The following DPM1 variants were observed in gnomAD, a reference collection of about 807,000 sequenced individuals.
DPM1 encodes dolichyl-phosphate mannosyltransferase subunit 1, catalytic, also known as dolichol-phosphate mannosyltransferase subunit 1.
In DPM1, 27 loss-of-function variants were observed where a neutral mutation model predicts 39.0. The ratio of observed to expected loss-of-function variants is 0.69; its 90% CI spans 0.51 to 0.95. The LOEUF is 0.95. Among genes scored for constraint, DPM1 ranks in the 40% least tolerant of loss-of-function variants. The probability of loss-of-function intolerance (pLI) is 0.00; values close to 1 mark genes in which losing one functional copy is unlikely to be tolerated. For missense variants in DPM1, 307 were observed against 315.6 expected (o/e 0.97, Z 0.21); for synonymous variants, 124 against 109.0 (o/e 1.14, Z -0.86).
At chr20:50,946,004 C>T in intron 3 of DPM1, 81 bp from the exon 4 acceptor site, 2 of 1,212,088 alleles carry the variant, frequency 1.7e-6, no homozygotes, top group Non-Finnish European at 2.4e-6. Flanking sequence ...AATTGTTTAG[C>T]ACCTGAAGAG....
Position 50,949,537 on chromosome 20 carries a change from G to A in DPM1, c.262-875C>T, listed in dbSNP as rs544173845. On this transcript the variant is annotated intron_variant, in intron 2 of 8. Coordinates refer to ENST00000371588, the MANE Select transcript of DPM1 (RefSeq NM_003859.3). ...TCCTCCTAAATCTTTTTGCTTAATA[G>A]TTGGAGCCTGACTTTTACTTGTTTA... 5.9e-5 allele frequency among the ~76,000 whole-genome samples: 9 copies of A among 152,202 alleles called. No individual in the cohort carries two copies. The South Asian group carries it at 1.9e-3, about 32-fold the overall frequency.
At chr20:50,944,158 C>T (rs1392015456) in intron 5 of DPM1, among the ~76,000 whole-genome samples, 1 of 152,234 alleles carries the variant, frequency 6.6e-6, no homozygotes, top group Non-Finnish European at 1.5e-5. Context: ...TTTTTACCAT[C>T]TTATTGGTAC....
chr20:50,940,277 T>C (rs1985611720), intron 7 of DPM1, among the ~76,000 whole-genome samples: 1 of 152,116 alleles, frequency 6.6e-6, no homozygotes, highest in Non-Finnish European at 1.5e-5. Flanking sequence ...AGGGGCATTT[T>C]ATAGTTTCAG....
intron 7 of DPM1, among the ~76,000 whole-genome samples, 172 bp downstream of exon 7, chr20:50,940,693 A>G (rs1291400305): frequency 6.6e-6 from 1 of 152,192 alleles, no homozygotes; most frequent in African/African-American, 2.4e-5. Flanking sequence ...AAAGCACAAT[A>G]TGTCTCCTTG....
At chr20:50,940,800 A>T (rs1043098077) in intron 7 of DPM1, 65 bp downstream of exon 7, 3 of 1,261,414 alleles carry the variant, frequency 2.4e-6, no homozygotes, top group Non-Finnish European at 3.5e-6. Flanking sequence ...TGTCTCTTTA[A>T]AATATCCATT....
At chr20:50,956,821 G>A (rs1396889584) in intron 1 of DPM1, among the ~76,000 whole-genome samples, 1 of 152,164 alleles carries the variant, frequency 6.6e-6, no homozygotes. Context: ...GCAAATTACT[G>A]TCCCCTACCA....
intron 1 of DPM1, among the ~76,000 whole-genome samples, chr20:50,957,862 G>C (rs749764584): frequency 2.0e-4 from 31 of 152,082 alleles, no homozygotes; most frequent in Non-Finnish European, 3.1e-4. Flanking sequence ...ATCCACCAGT[G>C]ATCAGCGAAG....
chr20:50,949,724 G>A (rs1199757682), intron 2 of DPM1, among the ~76,000 whole-genome samples: 1 of 151,488 alleles, frequency 6.6e-6, no homozygotes, highest in African/African-American at 2.4e-5. Flanking sequence ...GCCTCTGACT[G>A]CAAATCTCTC....
rs992551731 is a variant in DPM1, at chr20:50,935,069, A to G, written c.*63T>C. On this transcript the variant is annotated 3_prime_UTR_variant, in exon 9 of 9. Transcript: ENST00000371588. Reference sequence around the variant, plus strand: ...TTTAAGAGTACATTTTATACAAATCAGTAACCAGGCTTCTTTCATGTTTAA... The same window carrying G: ...TTTAAGAGTACATTTTATACAAATCGGTAACCAGGCTTCTTTCATGTTTAA... 1.0e-6 allele frequency: 1 copy of G among 962,814 alleles called. No individual in the cohort carries two copies. Among genetic ancestry groups the G allele is most frequent in the Non-Finnish European group, 1.7e-6 (1 of 596,292 alleles). 59.6% of individuals were successfully genotyped at this position (962,814 alleles called of 1,614,324 possible).
At position 50,944,036 on chromosome 20, in the gene DPM1, G is replaced by A. The variant is rs1030191432; in HGVS notation, c.398+1701C>T. Among the ~76,000 whole-genome samples the A allele has an allele frequency of 4.6e-5, 7 of 152,234 alleles. No homozygotes were observed. The South Asian group carries it at 8.3e-4, about 18-fold the overall frequency. On this transcript the variant is annotated intron_variant, in intron 5 of 8. Transcript: ENST00000371588. Reference sequence around the variant, plus strand: ...ATTACAGGCGTGAGCCACTGCGCCCGGCCAAGCCTGAGTATTTTTAATTCT... The same window carrying A: ...ATTACAGGCGTGAGCCACTGCGCCCAGCCAAGCCTGAGTATTTTTAATTCT...
chr20:50,954,013 C>T (rs1017784414), intron 2 of DPM1, among the ~76,000 whole-genome samples: 3 of 152,156 alleles, frequency 2.0e-5, no homozygotes, highest in Non-Finnish European at 2.9e-5. Flanking sequence ...AGTTACTCAT[C>T]TGTGAGACAG....
At chr20:50,938,121 T>G (rs1601021431) in intron 7 of DPM1, among the ~76,000 whole-genome samples, 1 of 152,200 alleles carries the variant, frequency 6.6e-6, no homozygotes, top group African/African-American at 2.4e-5. Flanking sequence ...ACTTTAACAC[T>G]GTGGCTAGTA....
intron 4 of DPM1, 22 bp from the exon 5 acceptor site, chr20:50,945,784 CAGTA>C (rs750723233): frequency 1.2e-6 from 2 of 1,607,794 alleles, no homozygotes; most frequent in Non-Finnish European, 8.5e-7. Context: ...AAAGAATAAA[CAGTA>C]AGTCAGTAAA....
chr20:50,954,531 G>A (rs1460254210), intron 2 of DPM1, among the ~76,000 whole-genome samples: 1 of 152,106 alleles, frequency 6.6e-6, no homozygotes, highest in Non-Finnish European at 1.5e-5. Context: ...ATAAACATTT[G>A]TAAATACAAA....
intron 2 of DPM1, among the ~76,000 whole-genome samples, chr20:50,949,813 T>C (rs1393524319): frequency 3.3e-5 from 5 of 152,064 alleles, no homozygotes; most frequent in African/African-American, 9.7e-5. Context: ...TCTATTTGCA[T>C]GGAATGTCTT....
chr20:50,937,086 G>A (rs1985236019), intron 7 of DPM1, among the ~76,000 whole-genome samples: 1 of 151,542 alleles, frequency 6.6e-6, no homozygotes, highest in African/African-American at 2.4e-5. Flanking sequence ...CAGTTCATAG[G>A]GAGGCAGCAA....
At chr20:50,946,177 A>G (rs574662801) in intron 3 of DPM1, among the ~76,000 whole-genome samples, 1 of 152,364 alleles carries the variant, frequency 6.6e-6, no homozygotes, top group African/African-American at 2.4e-5. Context: ...TCAGTATAGC[A>G]AAGAAATAGT....
chr20:50,940,809 T>A (rs1476835837), intron 7 of DPM1, 56 bp downstream of exon 7: 1 of 1,338,194 alleles, frequency 7.5e-7, no homozygotes, highest in Non-Finnish European at 1.1e-6. Context: ...AAAATATCCA[T>A]TGTAAAGAAA....
chr20:50,942,525 C>T (rs1601035043), intron 5 of DPM1, among the ~76,000 whole-genome samples: 1 of 150,140 alleles, frequency 6.7e-6, no homozygotes, highest in Admixed American at 6.7e-5. Context: ...AAAAATTAGT[C>T]GGGCACAGTG....
Sources: allele counts gnomAD v4.1 joint callset (sites outside exome capture counted in the v4.1 genomes callset), GRCh38; gene constraint gnomAD v4.1.1; transcripts MANE v1.5; gene names NCBI Gene and HGNC (gene_info 2026-07-23, HGNC 2026-07-21).